C19orf25: variants seen among roughly 807,000 people sequenced by gnomAD.
C19orf25 encodes the protein chromosome 19 open reading frame 25.
In C19orf25, 1 loss-of-function variant was observed where a neutral mutation model predicts 3.1. The observed-to-expected ratio is 0.32, with a 90% confidence interval of 0.12 to 1.54. The LOEUF (loss-of-function observed/expected upper bound fraction) is 1.54, where lower values mean the gene tolerates loss of function less well. Ranked by LOEUF, C19orf25 falls within the 40% of genes most tolerant of loss-of-function variation. C19orf25 has a pLI of 0.38. For synonymous variants in C19orf25, 91 were observed against 74.3 expected (o/e 1.23, Z -1.16); for missense variants, 196 against 160.4 (o/e 1.22, Z -1.20).
Position 1,479,148 on chromosome 19 carries a change from C to T in C19orf25, c.-3+15G>A. 7.7e-7 allele frequency: 1 copy of T among 1,293,160 alleles called. No homozygotes were observed. The highest frequency in any genetic ancestry group is 2.3e-5 in the South Asian group (1 of 42,728). The allele number at this position is 1,293,160 out of a possible 1,614,324, so 80.1% of individuals were successfully genotyped here. A position where few individuals can be genotyped will look rare whatever the true frequency, so the allele number is the denominator to read the frequency against. ...AGTTTCCCCGCGGTCACCCCAGTCG[C>T]CGGCCTCTTCCCACCTGGGCGCGGG... On this transcript the variant is annotated intron_variant, in intron 1 of 2. Transcript: ENST00000585675.
chr19:1,476,384 C>A (rs1010356378), intron 2 of C19orf25: 3 of 397,984 alleles, frequency 7.5e-6, no homozygotes, highest in Non-Finnish European at 1.3e-5. Context: ...CCCCGTCCCC[C>A]GCACAGCGTG....
In C19orf25 at chr19:1,474,461, G is replaced by C. The variant is rs1469285450; in HGVS notation, c.*571C>G. The C allele has an allele frequency of 5.2e-6, 1 of 190,728 alleles. No individual in the cohort carries two copies. Among genetic ancestry groups the C allele is most frequent in the African/African-American group, 2.3e-5 (1 of 42,914 alleles). 11.8% of individuals were successfully genotyped at this position (190,728 alleles called of 1,614,324 possible). A position where few individuals can be genotyped will look rare whatever the true frequency, so the allele number is the denominator to read the frequency against. On this transcript the variant is annotated 3_prime_UTR_variant, in exon 3 of 3. Transcript: ENST00000585675. ...GTGCCGTGGAGCTAGGCCCAGCCTG[G>C]CTGGGTCTCAGGGCTGCTTCTCTTG...
At position 1,474,611 on chromosome 19, in the gene C19orf25, C is replaced by T. The variant is rs2084183580; in HGVS notation, c.*421G>A. The T allele has an allele frequency of 2.1e-6, 1 of 484,952 alleles. No individual in the cohort carries two copies. The allele number at this position is 484,952 out of a possible 1,614,324, so 30.0% of individuals were successfully genotyped here. ...TCGGGCTGCTCTGACATTGGGTGGGCACTCGCTGGATGGAATCACAGTTAA... is the reference window on the plus strand; with the variant it reads ...TCGGGCTGCTCTGACATTGGGTGGGTACTCGCTGGATGGAATCACAGTTAA... On this transcript the variant is annotated 3_prime_UTR_variant, in exon 3 of 3. Coordinates refer to ENST00000585675, the MANE Select transcript of C19orf25 (RefSeq NM_152482.3).
intron 2 of C19orf25, 29 bp from the exon 3 acceptor site, chr19:1,475,287 C>T (rs770783403): frequency 3.3e-6 from 5 of 1,518,780 alleles, no homozygotes; most frequent in Middle Eastern, 3.4e-4. Flanking sequence ...GCATCACTGC[C>T]TGCTGACCAC....
chr19:1,478,720 C>T (rs2084232104), intron 2 of C19orf25, 54 bp downstream of exon 2: 3 of 1,534,742 alleles, frequency 2.0e-6, no homozygotes, highest in East Asian at 4.9e-5. Flanking sequence ...CTCTCCCGTC[C>T]CCTTGCTGCC....
Position 1,475,094 on chromosome 19 carries a change from G to C in C19orf25, c.295C>G (p.Arg99Gly), listed in dbSNP as rs768478051. Reference protein sequence around the residue: ...LLQRAGEDLEREVAQMKQAAL... With the variant: ...LLQRAGEDLEGEVAQMKQAAL... ...GCCTGCTTCATCTGGGCCACCTCCC[G>C]CTCCAGGTCCTCGCCGGCTCGCTGC... is the stretch of plus-strand genomic sequence containing the variant. Residue 99 changes from arginine to glycine, a missense_variant, in exon 3 of 3, where the codon CGG becomes GGG. Physicochemically the swap from Arg to Gly is moderately radical, Grantham distance 125. Transcript: ENST00000585675. 1 of 1,606,452 alleles carries C rather than the reference G, an allele frequency of 6.2e-7. No individual in the cohort carries two copies. The highest frequency in any genetic ancestry group is 1.3e-5 in the African/African-American group (1 of 74,900).
chr19:1,477,719 C>T (rs971937863), intron 2 of C19orf25, among the ~76,000 whole-genome samples: 47 of 152,308 alleles, frequency 3.1e-4, no homozygotes, highest in African/African-American at 1.1e-3. Context: ...CTTTTTCACC[C>T]ACCCCCATTT....
chr19:1,478,079 AT>A (rs1398224831), intron 2 of C19orf25, among the ~76,000 whole-genome samples: 1 of 152,018 alleles, frequency 6.6e-6, no homozygotes, highest in Non-Finnish European at 1.5e-5. Context: ...ACCTCAAGTG[AT>A]CCACCCACCT....
chr19:1,475,022 C>T lies in C19orf25; in HGVS notation c.*10G>A. The T allele has an allele frequency of 6.4e-7, 1 of 1,571,982 alleles. No homozygotes were observed. The highest frequency in any genetic ancestry group is 8.6e-7 in the Non-Finnish European group (1 of 1,162,286). On this transcript the variant is annotated 3_prime_UTR_variant, in exon 3 of 3. Coordinates refer to ENST00000585675, the MANE Select transcript of C19orf25 (RefSeq NM_152482.3). Reference sequence around the variant, plus strand: ...CTTGTGCGCTGCCCAAGCCTGCAGGCCCCGAGAGGTCAGCCTGAGGAGGCA... The same window carrying T: ...CTTGTGCGCTGCCCAAGCCTGCAGGTCCCGAGAGGTCAGCCTGAGGAGGCA...
chr19:1,475,093 C>G lies in C19orf25; in HGVS notation c.296G>C (p.Arg99Pro), dbSNP rs768708385. 1 of 1,606,486 alleles carries G rather than the reference C, an allele frequency of 6.2e-7. No homozygotes were observed. Among genetic ancestry groups the G allele is most frequent in the Non-Finnish European group, 8.5e-7 (1 of 1,177,600 alleles). Reference sequence around the variant, plus strand: ...TGCCTGCTTCATCTGGGCCACCTCCCGCTCCAGGTCCTCGCCGGCTCGCTG... The same window carrying G: ...TGCCTGCTTCATCTGGGCCACCTCCGGCTCCAGGTCCTCGCCGGCTCGCTG... ...LLQRAGEDLE[R>P]EVAQMKQAAL... The change falls in exon 3 of 3, where the codon CGG becomes CCG. Residue 99 changes from arginine (R) to proline (P), a missense_variant. Physicochemically the swap from Arg to Pro is moderately radical, Grantham distance 103 (BLOSUM62 -2). Coordinates refer to ENST00000585675, the MANE Select transcript of C19orf25 (RefSeq NM_152482.3).
chr19:1,475,442 A>C, intron 2 of C19orf25, 184 bp from the exon 3 acceptor site: 2 of 621,066 alleles, frequency 3.2e-6, no homozygotes, highest in Non-Finnish European at 5.6e-6. Flanking sequence ...GCACTTTGGG[A>C]GGCCGAGGCG....
chr19:1,475,186 G>T lies in C19orf25; in HGVS notation c.203C>A (p.Ala68Asp). Residue 68 changes from alanine to aspartate, a missense_variant, in exon 3 of 3, where the codon GCC (alanine) becomes GAC (aspartate). Coordinates refer to ENST00000585675, the MANE Select transcript of C19orf25 (RefSeq NM_152482.3). ...PGEQLYQQSR[A>D]YVAANQRLQQ... ...CAGCCGCTGGTTGGCAGCCACGTAGGCCCGGCTTTGCTGGTAGAGCTGCTC... is the reference window on the plus strand; with the variant it reads ...CAGCCGCTGGTTGGCAGCCACGTAGTCCCGGCTTTGCTGGTAGAGCTGCTC... 1 of 1,570,734 alleles carries T rather than the reference G, an allele frequency of 6.4e-7. No individual in the cohort carries two copies. The highest frequency in any genetic ancestry group is 1.2e-5 in the South Asian group (1 of 85,568).
chr19:1,478,660 C>A, intron 2 of C19orf25, 114 bp downstream of exon 2: 1 of 1,505,990 alleles, frequency 6.6e-7, no homozygotes, highest in East Asian at 2.5e-5. Flanking sequence ...GGACCGTGCC[C>A]ATGTTGCGGG....
chr19:1,478,997 G>A, intron 1 of C19orf25, 92 bp from the exon 2 acceptor site: 2 of 1,427,158 alleles, frequency 1.4e-6, no homozygotes, highest in African/African-American at 1.5e-5. Flanking sequence ...GTACGCACCC[G>A]TCGCGGTCCC....
chr19:1,476,583 C>A (rs974458888), intron 2 of C19orf25: 4 of 333,300 alleles, frequency 1.2e-5, no homozygotes, highest in African/African-American at 8.4e-5. Flanking sequence ...ACACCAGCCA[C>A]CAGCCATGTG....
rs2084187430 is a variant in C19orf25 at position 1,474,913 on chromosome 19, G to A, written c.*119C>T. On this transcript the variant is annotated 3_prime_UTR_variant, in exon 3 of 3. Coordinates refer to ENST00000585675, the MANE Select transcript of C19orf25 (RefSeq NM_152482.3). Reference sequence around the variant, plus strand: ...AGCCCCAGCATCAGGAGGGGCGCCTGTGTCAACACCCACGTGGGCTGGGAC... The same window carrying A: ...AGCCCCAGCATCAGGAGGGGCGCCTATGTCAACACCCACGTGGGCTGGGAC... 6 of 1,524,078 alleles carry A rather than the reference G, an allele frequency of 3.9e-6. No homozygotes were observed. Among genetic ancestry groups the A allele is most frequent in the Middle Eastern group, 1.7e-4 (1 of 5,944 alleles). 94.4% of individuals were successfully genotyped at this position (1,524,078 alleles called of 1,614,324 possible). A position where few individuals can be genotyped will look rare whatever the true frequency, so the allele number is the denominator to read the frequency against.
rs754407240 is a variant in C19orf25, at chr19:1,475,217, G to A, written c.172C>T (p.Pro58Ser). ...CTTTGCTGGTAGAGCTGCTCTCCCGGGGCCTCCGCATCCTCCATCATCCTG... is the reference window on the plus strand; with the variant it reads ...CTTTGCTGGTAGAGCTGCTCTCCCGAGGCCTCCGCATCCTCCATCATCCTG... ...PFRMMEDAEA[P>S]GEQLYQQSRA... Residue 58 changes from proline (P) to serine (S), a missense_variant, in exon 3 of 3, where the codon CCG (proline) becomes TCG (serine). Transcript: ENST00000585675. 25 of 1,562,298 alleles carry A rather than the reference G, an allele frequency of 1.6e-5. No individual in the cohort carries two copies. The African/African-American group carries it at 2.9e-4, about 18-fold the overall frequency.
rs555729592 is a variant in C19orf25, at chr19:1,476,497, CA to C, written c.131-1240del. 2.8e-3 allele frequency: 1,086 copies of C among 390,650 alleles called. 3 individuals are homozygous for C. Among genetic ancestry groups the C allele is most frequent in the Middle Eastern group, 7.1e-3 (11 of 1,558 alleles). 24.2% of individuals were successfully genotyped at this position (390,650 alleles called of 1,614,324 possible). On this transcript the variant is annotated intron_variant, in intron 2 of 2. Transcript: ENST00000585675. ...CCGAACTGCATGCTGGGAATAAAAC[CA>C]ACTCATGCACCTTGACCAGTACCGG...
In C19orf25 at chr19:1,478,879, C is replaced by T; in HGVS notation, c.25G>A (p.Val9Met). The change falls in exon 2 of 3, where the codon GTG becomes ATG. Residue 9 changes from valine to methionine, a missense_variant. Transcript: ENST00000585675. ...GGCGCTGGGCGGGTGGGCAGCAGCA[C>T]GCGCTTCTTTGCCTTGGAGCCCATC... MGSKAKKRVLLPTRPAPPT... is the reference protein window; with the variant it reads MGSKAKKRMLLPTRPAPPT... 1 of 1,595,532 alleles carries T rather than the reference C, an allele frequency of 6.3e-7. No individual in the cohort carries two copies. Among genetic ancestry groups the T allele is most frequent in the Non-Finnish European group, 8.5e-7 (1 of 1,173,020 alleles).
Sources: gnomAD v4.1 joint callset for allele counts (sites outside exome capture counted in the v4.1 genomes callset) on GRCh38, gnomAD v4.1.1 for gene constraint, MANE v1.5 for transcripts, NCBI Gene and HGNC (gene_info 2026-07-23, HGNC 2026-07-21) for gene names.